Variants in PCDHGB1 observed in about 807,000 individuals in gnomAD.
The protein encoded by PCDHGB1 is protocadherin gamma-B1.
Under a neutral mutation model 56.6 loss-of-function variants are expected in PCDHGB1, and 34 were observed. That is an observed-to-expected ratio of 0.60 (90% CI 0.46 to 0.80). The LOEUF (loss-of-function observed/expected upper bound fraction) is 0.80. Among genes scored for constraint, PCDHGB1 ranks in the 30% least tolerant of loss-of-function variants. PCDHGB1 has a pLI of 0.00. For synonymous variants in PCDHGB1, 561 were observed against 505.9 expected, an observed-to-expected ratio of 1.11 and a Z score of -1.46; for missense variants, 1,278 against 1,204.6, an observed-to-expected ratio of 1.06 and a Z score of -0.90.
Position 141,511,375 on chromosome 5 carries a change from A to G in PCDHGB1, c.*202A>G. 2 of 1,236,730 alleles carry G rather than the reference A, an allele frequency of 1.6e-6. No individual in the cohort carries two copies. The highest frequency in any genetic ancestry group is 2.2e-6 in the Non-Finnish European group (2 of 912,840). 76.6% of individuals were successfully genotyped at this position (1,236,730 alleles called of 1,614,324 possible). A position where few individuals can be genotyped will look rare whatever the true frequency, so the allele number is the denominator to read the frequency against. On this transcript the variant is annotated 3_prime_UTR_variant, in exon 4 of 4. Coordinates refer to ENST00000523390, the MANE Select transcript of PCDHGB1 (RefSeq NM_018922.3). ...CCCAGGGGGTTGAATATGCAAAAGCAGTTCCGCTGGGAACCCCCATCCAAT... is the reference window on the plus strand; with the variant it reads ...CCCAGGGGGTTGAATATGCAAAAGCGGTTCCGCTGGGAACCCCCATCCAAT...
In PCDHGB1 at chr5:141,350,869, C is replaced by A. The variant is rs528243640; in HGVS notation, c.609C>A (p.Ser203Arg). The change falls in exon 1 of 4, where the codon AGC becomes AGA. Residue 203 changes from serine to arginine, a missense_variant. Coordinates refer to ENST00000523390, the MANE Select transcript of PCDHGB1 (RefSeq NM_018922.3). The stretch of plus-strand genomic sequence containing the variant: ...AACCTCTAGACAGGGAACATCAGAG[C>A]TCTCATCGCTTAATCCTGACTGCCA... ...LEKPLDREHQ[S>R]SHRLILTAMD... 47 of 1,613,960 alleles carry A rather than the reference C, an allele frequency of 2.9e-5. No individual in the cohort carries two copies. Among genetic ancestry groups the A allele is most frequent in the Non-Finnish European group, 3.9e-5 (46 of 1,179,922 alleles).
chr5:141,359,411 G>A (rs1467965013), intron 1 of PCDHGB1, among the ~76,000 whole-genome samples: 1 of 151,822 alleles, frequency 6.6e-6, no homozygotes, highest in Non-Finnish European at 1.5e-5. Flanking sequence ...TTTAAAAAAT[G>A]TGTTTTTGTT....
In PCDHGB1 at chr5:141,477,244, G is replaced by T. The variant is rs367944211; in HGVS notation, c.2410-17563G>T. On this transcript the variant is annotated intron_variant, in intron 1 of 3. Coordinates refer to ENST00000523390, the MANE Select transcript of PCDHGB1 (RefSeq NM_018922.3). The surrounding 1 kb of genome is among the most constrained non-coding windows in gnomAD (Gnocchi z 4.9). ...GGACTGTCATCGCTTTGCTCAGTGT[G>T]ACTGACCTGGATGCTGGCGAGAACG... 9 of 1,614,190 alleles carry T rather than the reference G, an allele frequency of 5.6e-6. No homozygotes were observed. Among genetic ancestry groups the T allele is most frequent in the Non-Finnish European group, 7.6e-6 (9 of 1,180,052 alleles).
rs11575965 is a variant in PCDHGB1 at position 141,430,679 on chromosome 5, T to C, written c.2410-64128T>C. 6,478 of 1,333,262 alleles carry C rather than the reference T, an allele frequency of 4.9e-3. 34 individuals carry two copies. Among genetic ancestry groups the C allele is most frequent in the Admixed American group, 9.3e-3 (354 of 37,978 alleles). 82.6% of individuals were successfully genotyped at this position (1,333,262 alleles called of 1,614,324 possible). ...CGGAGGAGCTCTGACTTCCCAACTG[T>C]CCCATTCTATGGGCGAAGGAACTGC... On this transcript the variant is annotated intron_variant, in intron 1 of 3. Coordinates refer to ENST00000523390, the MANE Select transcript of PCDHGB1 (RefSeq NM_018922.3).
intron 1 of PCDHGB1, among the ~76,000 whole-genome samples, chr5:141,380,184 G>A (rs1776280762): frequency 6.6e-6 from 1 of 152,160 alleles, no homozygotes; most frequent in South Asian, 2.1e-4. Flanking sequence ...ACAGGCATGA[G>A]CCACTGAGCC....
chr5:141,375,929 C>T, intron 1 of PCDHGB1: 1 of 1,613,738 alleles, frequency 6.2e-7, no homozygotes, highest in South Asian at 1.1e-5. Context: ...CGAGCCAGGA[C>T]TTTTCTCAGT....
chr5:141,455,737 A>T (rs1290390106), intron 1 of PCDHGB1, among the ~76,000 whole-genome samples: 1 of 152,162 alleles, frequency 6.6e-6, no homozygotes, highest in Non-Finnish European at 1.5e-5. Context: ...TTTGCATATC[A>T]AAGGTTGCTG....
intron 1 of PCDHGB1, among the ~76,000 whole-genome samples, chr5:141,473,736 G>A (rs1278322296): frequency 1.3e-5 from 2 of 152,202 alleles, no homozygotes; most frequent in Non-Finnish European, 2.9e-5. Flanking sequence ...AGAGGGAGAA[G>A]ACATGAGAAC....
chr5:141,414,227 T>C (rs771676386), intron 1 of PCDHGB1: 2 of 1,613,430 alleles, frequency 1.2e-6, no homozygotes, highest in Non-Finnish European at 1.7e-6. Flanking sequence ...AGTCCAGAGC[T>C]GACCATCACG....
At chr5:141,365,654 G>A (rs952946348) in intron 1 of PCDHGB1, 4 of 1,613,378 alleles carry the variant, frequency 2.5e-6, no homozygotes, top group Non-Finnish European at 3.4e-6. Flanking sequence ...CCCCTTGAAA[G>A]TAGCAGACGT....
intron 1 of PCDHGB1, chr5:141,383,044 GC>G: frequency 1.2e-6 from 2 of 1,613,878 alleles, no homozygotes; most frequent in Non-Finnish European, 8.5e-7. Context: ...GGGAGACATC[GC>G]CAAGGACCTG....
Position 141,356,927 on chromosome 5 carries a change from A to G in PCDHGB1, c.2409+4258A>G, listed in dbSNP as rs370703774. The G allele has an allele frequency of 5.0e-6, 8 of 1,614,044 alleles. No homozygotes were observed. The highest frequency in any genetic ancestry group is 1.1e-5 in the South Asian group (1 of 91,086). On this transcript the variant is annotated intron_variant, in intron 1 of 3. Coordinates refer to ENST00000523390, the MANE Select transcript of PCDHGB1 (RefSeq NM_018922.3). Reference sequence around the variant, plus strand: ...CCTACTGATGGCTCCACTGGTGTGGAGCTGGCACCCCGCTCCGCAGATTCC... The same window carrying G: ...CCTACTGATGGCTCCACTGGTGTGGGGCTGGCACCCCGCTCCGCAGATTCC...
chr5:141,364,828 T>C (rs57308563), intron 1 of PCDHGB1: 152,960 of 1,613,868 alleles, frequency 0.095, 8,950 homozygotes, highest in African/African-American at 0.29. Flanking sequence ...GTGTGAACTC[T>C]CTCCGGAGTT....
intron 1 of PCDHGB1, chr5:141,366,536 C>T (rs779007704): frequency 1.9e-6 from 3 of 1,614,132 alleles, no homozygotes; most frequent in African/African-American, 1.3e-5. Context: ...GGCGGGTGTG[C>T]CCGCCTCGCA....
At chr5:141,415,359 G>C in intron 1 of PCDHGB1, 2 of 1,614,246 alleles carry the variant, frequency 1.2e-6, no homozygotes, top group Non-Finnish European at 1.7e-6. Flanking sequence ...AGTCACGCCT[G>C]CTGCAGGCTT....
At chr5:141,507,017 C>CACTT (rs763489200) in intron 3 of PCDHGB1, 1 of 152,206 alleles carries the variant, frequency 6.6e-6, no homozygotes, top group Non-Finnish European at 1.5e-5. Flanking sequence ...ACCGAGAAGG[C>CACTT]ACTTGCCCCA....
At chr5:141,474,965 A>T (rs1268347441) in intron 1 of PCDHGB1, among the ~76,000 whole-genome samples, 1 of 152,236 alleles carries the variant, frequency 6.6e-6, no homozygotes, top group Non-Finnish European at 1.5e-5. Context: ...TATCCTAATC[A>T]TTATAATTTT....
intron 1 of PCDHGB1, chr5:141,360,880 G>A: frequency 6.2e-7 from 1 of 1,614,004 alleles, no homozygotes; most frequent in Non-Finnish European, 8.5e-7. Context: ...CGTGTACAGG[G>A]TCACCCTGAG....
chr5:141,374,107 G>A, intron 1 of PCDHGB1: 3 of 1,573,706 alleles, frequency 1.9e-6, no homozygotes, highest in Non-Finnish European at 8.6e-7. Flanking sequence ...AGAGGCATCC[G>A]CAGCGCAGCG....
Sources: gnomAD v4.1 joint callset for allele counts (sites outside exome capture counted in the v4.1 genomes callset) on GRCh38, gnomAD v4.1.1 for gene constraint, Gnocchi (gnomAD v3.1) non-coding constraint, MANE v1.5 for transcripts, NCBI Gene and HGNC (gene_info 2026-07-23, HGNC 2026-07-21) for gene names.